The following MOCS2 variants were observed in gnomAD, a reference collection of about 807,000 sequenced individuals.
MOCS2 encodes the protein molybdenum cofactor synthesis 2, also known as molybdopterin synthase catalytic subunit.
A neutral mutation model predicts 21.9 loss-of-function variants in MOCS2; 13 were observed. That is an observed-to-expected ratio of 0.59 (90% CI 0.39 to 0.94). The LOEUF is 0.94. Among genes scored for constraint, MOCS2 ranks in the 40% least tolerant of loss-of-function variants. MOCS2 has a pLI of 0.00. For synonymous variants in MOCS2, 92 were observed against 80.8 expected, an observed-to-expected ratio of 1.14 and a Z score of -0.74; for missense variants, 227 against 218.3, an observed-to-expected ratio of 1.04 and a Z score of -0.25.
intron 1 of MOCS2, 98 bp from the exon 2 acceptor site, chr5:53,108,741 C>T: frequency 8.1e-7 from 1 of 1,230,768 alleles, no homozygotes; most frequent in Non-Finnish European, 1.1e-6. Flanking sequence ...TTGCTTTAAT[C>T]AAAGACAAAT....
At position 53,098,582 on chromosome 5, in the gene MOCS2, T is replaced by A. The variant is rs371976854; in HGVS notation, c.*20A>T. The A allele has an allele frequency of 1.0e-5, 16 of 1,603,044 alleles. No homozygotes were observed. In the African/African-American group the frequency reaches 2.0e-4, roughly 20 times the overall value. On this transcript the variant is annotated 3_prime_UTR_variant, in exon 7 of 7. Coordinates refer to ENST00000396954, the MANE Select transcript of MOCS2 (RefSeq NM_004531.5). ...ATAGTTTAACAAAGTTAAGATTGCA[T>A]GCTCTAAAAACATAAGTGATTAACT...
rs1187895262 is a variant in MOCS2 at position 53,096,566 on chromosome 5, G to GT, written c.*2035dup. 2 of 152,154 alleles carry GT rather than the reference G, an allele frequency of 1.3e-5. No homozygotes were observed. The highest frequency in any genetic ancestry group is 2.9e-5 in the Non-Finnish European group (2 of 68,030). 9.4% of individuals were successfully genotyped at this position (152,154 alleles called of 1,614,324 possible). A position where few individuals can be genotyped will look rare whatever the true frequency, so the allele number is the denominator to read the frequency against. On this transcript the variant is annotated 3_prime_UTR_variant, in exon 7 of 7. Coordinates refer to ENST00000396954, the MANE Select transcript of MOCS2 (RefSeq NM_004531.5). ...GATGATAGAAAAGCTACATATCAGA[G>GT]TGACAGTAGCCCCTTAATATCTGAA...
At chr5:53,106,049 C>T (rs1288384773) in intron 3 of MOCS2, among the ~76,000 whole-genome samples, 1 of 152,064 alleles carries the variant, frequency 6.6e-6, no homozygotes, top group Non-Finnish European at 1.5e-5. Context: ...GTCAGAAGAG[C>T]TATTATTAAA....
chr5:53,105,526 A>C (rs1224816782), intron 3 of MOCS2, among the ~76,000 whole-genome samples: 1 of 152,230 alleles, frequency 6.6e-6, no homozygotes, highest in Non-Finnish European at 1.5e-5. Context: ...AGCCATGTGC[A>C]GAAGACTGAA....
chr5:53,105,644 C>T (rs1024366801), intron 3 of MOCS2, among the ~76,000 whole-genome samples: 18 of 152,088 alleles, frequency 1.2e-4, no homozygotes, highest in Non-Finnish European at 2.9e-5. Context: ...CTAGGCAACA[C>T]CATTCTGGAC....
Position 53,098,484 on chromosome 5 carries a change from CTAGTA to C in MOCS2, c.*113_*117del. On this transcript the variant is annotated 3_prime_UTR_variant, in exon 7 of 7. Transcript: ENST00000396954. The stretch of plus-strand genomic sequence containing the variant: ...CTTCCTTTTTCTCCCTTTTGTCCCA[CTAGTA>C]TAAGAGATTGTGCTTCAGTAAACTA... The C allele has an allele frequency of 1.2e-6, 1 of 862,616 alleles. No individual in the cohort carries two copies. The highest frequency in any genetic ancestry group is 2.0e-6 in the Non-Finnish European group (1 of 510,802). 53.4% of individuals were successfully genotyped at this position (862,616 alleles called of 1,614,324 possible). A position where few individuals can be genotyped will look rare whatever the true frequency, so the allele number is the denominator to read the frequency against.
chr5:53,109,033 A>C (rs1741128474), intron 1 of MOCS2, among the ~76,000 whole-genome samples: 1 of 152,226 alleles, frequency 6.6e-6, no homozygotes, highest in Non-Finnish European at 1.5e-5. Flanking sequence ...TAAATGAATA[A>C]ATAAGCGAAA....
rs1343994492 is a variant in MOCS2, at chr5:53,097,938, GAT to G, written c.*662_*663del. The G allele has an allele frequency of 6.6e-6, 1 of 151,916 alleles. No homozygotes were observed. The highest frequency in any genetic ancestry group is 2.4e-5 in the African/African-American group (1 of 41,340). The allele number at this position is 151,916 out of a possible 1,614,324, so 9.4% of individuals were successfully genotyped here. ...ACAATTTTGTGCTGATTTGTATATT[GAT>G]ACAAAATTAACAACTAATAAAAAAC... On this transcript the variant is annotated 3_prime_UTR_variant, in exon 7 of 7. Transcript: ENST00000396954.
chr5:53,101,571 A>G lies in MOCS2; in HGVS notation c.227-62T>C. The G allele has an allele frequency of 3.4e-6, 4 of 1,160,608 alleles. No homozygotes were observed. The South Asian group carries it at 5.3e-5, about 15-fold the overall frequency. The allele number at this position is 1,160,608 out of a possible 1,614,324, so 71.9% of individuals were successfully genotyped here. On this transcript the variant is annotated intron_variant, in intron 4 of 6. Transcript: ENST00000396954. ...AAATAAGGTTTTTCCCTACAAAAGA[A>G]ATAGCACGTTAATAAAAAAGGAATA...
chr5:53,101,475 G>A lies in MOCS2; in HGVS notation c.261C>T (p.Val87=), dbSNP rs777565219. Residue 87 remains valine (V), a synonymous_variant, in exon 5 of 7, where the codon GTC becomes GTT. Transcript: ENST00000396954. ...GATATGCTTCATATTCTAAGCTAAT[G>A]ACTTTTTTCCCTTCAAAGTTATTTC... ...TTRNNFEGKK[V]ISLEYEAYLP... 8.7e-6 allele frequency: 14 copies of A among 1,609,758 alleles called. No homozygotes were observed. The African/African-American group carries it at 1.1e-4, about 12-fold the overall frequency.
intron 3 of MOCS2, among the ~76,000 whole-genome samples, chr5:53,103,085 C>G (rs939055915): frequency 6.6e-6 from 1 of 151,938 alleles, no homozygotes; most frequent in African/African-American, 2.4e-5. Context: ...TAAAAAGTTT[C>G]TTTTCTTTTT....
In MOCS2 at chr5:53,098,623, GCACT is replaced by G; in HGVS notation, c.542_545del (p.Glu181AlafsTer13). The G allele has an allele frequency of 6.2e-7, 1 of 1,613,684 alleles. No homozygotes were observed. Among genetic ancestry groups the G allele is most frequent in the South Asian group, 1.1e-5 (1 of 91,076 alleles). Reference sequence around the variant, plus strand: ...GTGATTAACTGTTGGATGCCCAAAAGCACTCTTTGTTTCCTTTCCAAGTTGATGA... The same window carrying G: ...GTGATTAACTGTTGGATGCCCAAAAGCTTTGTTTCCTTTCCAAGTTGATGA... On this transcript the variant is annotated frameshift_variant, in exon 7 of 7. Transcript: ENST00000396954. LOFTEE classifies it high-confidence loss of function.
intron 2 of MOCS2, among the ~76,000 whole-genome samples, 197 bp downstream of exon 2, chr5:53,108,325 T>C (rs145626132): frequency 1.3e-5 from 2 of 152,348 alleles, no homozygotes; most frequent in East Asian, 3.9e-4. Flanking sequence ...TCACTGTGTT[T>C]TGGGGTAAAA....
At chr5:53,101,070 G>A (rs1740894390) in intron 5 of MOCS2, 4 of 454,354 alleles carry the variant, frequency 8.8e-6, no homozygotes, top group Admixed American at 3.8e-5. Context: ...AATGACTTTC[G>A]AGGCATTTAT....
rs148685617 is a variant in MOCS2, at chr5:53,102,114, G to A, written c.209C>T (p.Ala70Val). 2.3e-4 allele frequency: 367 copies of A among 1,613,588 alleles called. No homozygotes were observed. The highest frequency in any genetic ancestry group is 2.9e-4 in the Non-Finnish European group (346 of 1,179,786). ...CAACTCACCTACAAATAGGGATATT[G>A]CACCACAGAGCGGAGAAATCACCAA... Reference protein sequence around the residue: ...SQLVISPLCGAISLFVGTTRN... With the variant: ...SQLVISPLCGVISLFVGTTRN... The change falls in exon 4 of 7, where the codon GCA (alanine) becomes GTA (valine). Residue 70 changes from alanine to valine, a missense_variant. Transcript: ENST00000396954.
At chr5:53,106,725 G>C (rs1380364733) in intron 3 of MOCS2, among the ~76,000 whole-genome samples, 1 of 152,110 alleles carries the variant, frequency 6.6e-6, no homozygotes, top group Non-Finnish European at 1.5e-5. Flanking sequence ...TATGTGATTA[G>C]CTATGTGATC....
intron 3 of MOCS2, among the ~76,000 whole-genome samples, chr5:53,106,069 G>A (rs1741040539): frequency 6.6e-6 from 1 of 152,082 alleles, no homozygotes; most frequent in Non-Finnish European, 1.5e-5. Context: ...AATAACAGAT[G>A]CTGGCGAGGA....
rs760402391 is a variant in MOCS2 at position 53,098,653 on chromosome 5, C to A, written c.516G>T (p.Glu172Asp). The part of the protein sequence containing the change: ...VPIWKKEIYE[E>D]SSTWKGNKEC... ...CTTTGTTTCCTTTCCAAGTTGATGACTCTTCGTATATTTCCTAAAAAACAA... is the reference window on the plus strand; with the variant it reads ...CTTTGTTTCCTTTCCAAGTTGATGAATCTTCGTATATTTCCTAAAAAACAA... Residue 172 changes from glutamate to aspartate, a missense_variant, in exon 7 of 7, where the codon GAG becomes GAT. Glu to Asp is a conservative substitution (Grantham distance 45, BLOSUM62 2). Transcript: ENST00000396954. 6.2e-7 allele frequency: 1 copy of A among 1,613,526 alleles called. No individual in the cohort carries two copies. The highest frequency in any genetic ancestry group is 1.1e-5 in the South Asian group (1 of 91,070).
At chr5:53,107,245 A>C (rs1216338175) in intron 2 of MOCS2, 24 bp from the exon 3 acceptor site, 2 of 1,600,228 alleles carry the variant, frequency 1.2e-6, no homozygotes, top group African/African-American at 1.3e-5. Flanking sequence ...AATATGACTC[A>C]AAGTATCAAC....
Sources: allele counts gnomAD v4.1 joint callset (sites outside exome capture counted in the v4.1 genomes callset), GRCh38; gene constraint gnomAD v4.1.1; transcripts MANE v1.5; gene names NCBI Gene and HGNC (gene_info 2026-07-23, HGNC 2026-07-21).